Variants in GSAP observed in about 807,000 individuals in gnomAD.
The protein encoded by GSAP is gamma-secretase-activating protein.
In GSAP, 118 loss-of-function variants were observed where a neutral mutation model predicts 131.7. The observed-to-expected ratio is 0.90, with a 90% CI of 0.77 to 1.04. The LOEUF (loss-of-function observed/expected upper bound fraction) is 1.04, where lower values mean the gene tolerates loss of function less well. Among genes scored for constraint, GSAP ranks in the 50% least tolerant of loss-of-function variants. The pLI is 0.00. For missense variants in GSAP, 1,019 were observed against 1,013.2 expected, an observed-to-expected ratio of 1.01 and a Z score of -0.08; for synonymous variants, 381 against 363.4, an observed-to-expected ratio of 1.05 and a Z score of -0.55.
chr7:77,399,889 T>C (rs1563121716), intron 3 of GSAP, among the ~76,000 whole-genome samples: 1 of 152,152 alleles, frequency 6.6e-6, no homozygotes, highest in South Asian at 2.1e-4. Flanking sequence ...TCCCTGGGTT[T>C]TCCTTTTGTG....
At position 77,368,839 on chromosome 7, in the gene GSAP, T is replaced by C. The variant is rs1041596389; in HGVS notation, c.871+5231A>G. 7.9e-5 allele frequency among the ~76,000 whole-genome samples: 12 copies of C among 152,370 alleles called. No homozygotes were observed. The East Asian group carries it at 2.1e-3, about 27-fold the overall frequency. On this transcript the variant is annotated intron_variant, in intron 12 of 30. Transcript: ENST00000257626. ...TTGTTAGTTGCAAAGAAGTTATATC[T>C]GGCTATAAAGGTTAGCTGGTGTTAT...
At chr7:77,408,431 G>C (rs895796121) in intron 1 of GSAP, among the ~76,000 whole-genome samples, 4 of 152,092 alleles carry the variant, frequency 2.6e-5, no homozygotes, top group African/African-American at 9.7e-5. Flanking sequence ...CGGCACAGTG[G>C]CTCACGCCTG....
At chr7:77,411,856 T>A (rs574584784) in intron 1 of GSAP, among the ~76,000 whole-genome samples, 3 of 152,186 alleles carry the variant, frequency 2.0e-5, no homozygotes, top group Non-Finnish European at 2.9e-5. Context: ...CTACCAGTTA[T>A]CAATACCTAC....
At chr7:77,402,579 G>A (rs1801521179) in intron 3 of GSAP, among the ~76,000 whole-genome samples, 2 of 38,008 alleles carry the variant, frequency 5.3e-5, no homozygotes, top group Admixed American at 8.5e-4. Context: ...TGGCAATAGA[G>A]TGAGACTCTG....
intron 19 of GSAP, chr7:77,330,954 T>A: frequency 1.6e-6 from 1 of 634,106 alleles, no homozygotes; most frequent in Non-Finnish European, 2.0e-6. Context: ...GATATAATTG[T>A]ACTACCCTGA....
At chr7:77,336,485 T>TTTTTG (rs1562930676) in intron 19 of GSAP, among the ~76,000 whole-genome samples, 23 of 151,962 alleles carry the variant, frequency 1.5e-4, no homozygotes, top group African/African-American at 5.1e-4. Flanking sequence ...CAAGCTCTTT[T>TTTTTG]TTTTTGTTTT....
At chr7:77,408,667 C>T (rs536403139) in intron 1 of GSAP, among the ~76,000 whole-genome samples, 1 of 121,628 alleles carries the variant, frequency 8.2e-6, no homozygotes, top group East Asian at 2.6e-4. Context: ...AGCCATTGCA[C>T]TTCAGACCAA....
chr7:77,400,936 A>ATTT (rs35614699), intron 3 of GSAP, among the ~76,000 whole-genome samples: 17 of 141,982 alleles, frequency 1.2e-4, no homozygotes, highest in African/African-American at 3.6e-4. Context: ...ACAATTACCA[A>ATTT]TTTTTTTTTT....
intron 5 of GSAP, among the ~76,000 whole-genome samples, chr7:77,395,131 T>G (rs1443252115): frequency 6.6e-6 from 1 of 152,104 alleles, no homozygotes; most frequent in African/African-American, 2.4e-5. Context: ...CATAAAGGAC[T>G]ACTGTTCTGT....
chr7:77,353,311 G>GA (rs559640020), intron 17 of GSAP, among the ~76,000 whole-genome samples: 56 of 150,624 alleles, frequency 3.7e-4, no homozygotes, highest in East Asian at 1.5e-3. Flanking sequence ...CATCTTACTG[G>GA]AAAAAAAAAT....
At chr7:77,386,640 C>G (rs1348662072) in intron 6 of GSAP, among the ~76,000 whole-genome samples, 1 of 152,192 alleles carries the variant, frequency 6.6e-6, no homozygotes, top group Non-Finnish European at 1.5e-5. Flanking sequence ...CTTAGGAACA[C>G]TAGACGGTGC....
At chr7:77,409,316 TTAA>T (rs1191589390) in intron 1 of GSAP, among the ~76,000 whole-genome samples, 1 of 152,096 alleles carries the variant, frequency 6.6e-6, no homozygotes, top group East Asian at 1.9e-4. Flanking sequence ...ACCCTGTCTC[TTAA>T]TAATAATAAT....
rs887799600 is a variant in GSAP, at chr7:77,312,249, T to C, written c.2272-47A>G. 6.9e-6 allele frequency: 6 copies of C among 869,184 alleles called. No individual in the cohort carries two copies. The African/African-American group carries it at 1.0e-4, about 15-fold the overall frequency. 53.8% of individuals were successfully genotyped at this position (869,184 alleles called of 1,614,324 possible). ...ATGTAGCGAATACCACACACTATATTAAGTAAACACACCTTATATCTATTC... is the reference window on the plus strand; with the variant it reads ...ATGTAGCGAATACCACACACTATATCAAGTAAACACACCTTATATCTATTC... On this transcript the variant is annotated intron_variant, in intron 28 of 30. Coordinates refer to ENST00000257626, the MANE Select transcript of GSAP (RefSeq NM_017439.4).
Position 77,382,600 on chromosome 7 carries a change from T to C in GSAP, c.500A>G (p.His167Arg), listed in dbSNP as rs1431489268. Residue 167 changes from histidine to arginine, a missense_variant, in exon 7 of 31, where the codon CAT becomes CGT. By Grantham distance (29) the His-to-Arg change is conservative. Transcript: ENST00000257626. Reference protein sequence around the residue: ...HIESHPLPENHLLLISEEKYI... With the variant: ...HIESHPLPENRLLLISEEKYI... Reference sequence around the variant, plus strand: ...TTTCTCTTCTGAAATCAGTAACAGATGGTTCTCTGGAAGAGGATGACTTTC... The same window carrying C: ...TTTCTCTTCTGAAATCAGTAACAGACGGTTCTCTGGAAGAGGATGACTTTC... The C allele has an allele frequency of 5.7e-6, 9 of 1,571,976 alleles. No homozygotes were observed. Among genetic ancestry groups the C allele is most frequent in the Non-Finnish European group, 7.9e-6 (9 of 1,141,866 alleles).
intron 2 of GSAP, among the ~76,000 whole-genome samples, chr7:77,404,946 A>T (rs1273081105): frequency 1.3e-5 from 2 of 152,246 alleles, no homozygotes; most frequent in African/African-American, 4.8e-5. Context: ...AGTCCGTAAC[A>T]TTCTTATAAG....
chr7:77,349,278 A>G, intron 19 of GSAP, 73 bp downstream of exon 19: 1 of 1,227,746 alleles, frequency 8.1e-7, no homozygotes, highest in Non-Finnish European at 1.2e-6. Flanking sequence ...CCCTTTTGGA[A>G]CCACCATAAT....
At chr7:77,402,602 A>AC (rs1801538771) in intron 3 of GSAP, among the ~76,000 whole-genome samples, 1 of 142,352 alleles carries the variant, frequency 7.0e-6, no homozygotes, top group Admixed American at 7.2e-5. Context: ...TCAAAAAAAA[A>AC]AAAAAAAAAA....
intron 6 of GSAP, among the ~76,000 whole-genome samples, chr7:77,384,471 A>G (rs1466228663): frequency 6.6e-6 from 1 of 152,130 alleles, no homozygotes; most frequent in East Asian, 1.9e-4. Flanking sequence ...TTTTTTTTGT[A>G]TTGTAAGTAG....
upstream of GSAP, chr7:77,416,454 T>C: frequency 6.0e-6 from 3 of 496,032 alleles, no homozygotes; most frequent in Non-Finnish European, 1.0e-5. Context: ...TGCTTTCGGT[T>C]CTGCAGCGCC....
Sources: gnomAD v4.1 joint callset for allele counts (sites outside exome capture counted in the v4.1 genomes callset) on GRCh38, gnomAD v4.1.1 for gene constraint, MANE v1.5 for transcripts, NCBI Gene and HGNC (gene_info 2026-07-23, HGNC 2026-07-21) for gene names.